The following PCDH15 variants were observed in gnomAD, a reference collection of about 807,000 sequenced individuals.
PCDH15 encodes the protein protocadherin-15.
A neutral mutation model predicts 178.5 loss-of-function variants in PCDH15; 129 were observed. The observed-to-expected ratio is 0.72, with a 90% CI of 0.63 to 0.84. The LOEUF (loss-of-function observed/expected upper bound fraction) is 0.84. Ranked by LOEUF, PCDH15 falls within the 40% of genes least tolerant of loss-of-function variation. The probability of loss-of-function intolerance (pLI) is 0.00; values close to 1 mark genes in which losing one functional copy is unlikely to be tolerated. For synonymous variants in PCDH15, 800 were observed against 732.0 expected (o/e 1.09, Z -1.50); for missense variants, 2,230 against 2,099.9 (o/e 1.06, Z -1.21).
chr10:54,162,667 C>T (rs997512479), intron 13 of PCDH15, among the ~76,000 whole-genome samples: 2 of 152,144 alleles, frequency 1.3e-5, no homozygotes, highest in Non-Finnish European at 2.9e-5. Context: ...ACAAGATATA[C>T]TTGAGAACTC....
intron 1 of PCDH15, among the ~76,000 whole-genome samples, chr10:55,291,524 T>C (rs1220819603): frequency 1.3e-5 from 2 of 152,230 alleles, no homozygotes; most frequent in Non-Finnish European, 2.9e-5. Flanking sequence ...GGAAAGAATG[T>C]TAATTTTGCC....
At chr10:54,627,278 G>A (rs1336266832) in intron 2 of PCDH15, among the ~76,000 whole-genome samples, 2 of 152,062 alleles carry the variant, frequency 1.3e-5, no homozygotes, top group East Asian at 3.9e-4. Flanking sequence ...ATGAGATTTG[G>A]GAAGTGGAAT....
At chr10:54,647,270 C>A (rs2094149526) in intron 2 of PCDH15, among the ~76,000 whole-genome samples, 2 of 152,060 alleles carry the variant, frequency 1.3e-5, no homozygotes, top group South Asian at 4.1e-4. Context: ...CTGCATGATA[C>A]CAATCCTACA....
At position 55,090,883 on chromosome 10, in the gene PCDH15, T is replaced by A. The variant is rs549978436; in HGVS notation, c.-80+75693A>T. Among the ~76,000 whole-genome samples, 16 of 149,252 alleles carry A rather than the reference T, an allele frequency of 1.1e-4. 1 individual carries two copies. The South Asian group carries it at 3.2e-3, about 30-fold the overall frequency. On this transcript the variant is annotated intron_variant, in intron 2 of 5. Transcript: ENST00000458638. The stretch of plus-strand genomic sequence containing the variant: ...AAGTTGCTAAGGCATTCTAAAGACA[T>A]CATTTTAACTAATTAAAATGTACTA...
intron 8 of PCDH15, among the ~76,000 whole-genome samples, chr10:54,269,729 A>G (rs1330987496): frequency 2.0e-5 from 3 of 151,968 alleles, no homozygotes; most frequent in Non-Finnish European, 4.4e-5. Context: ...GAAGCATTCT[A>G]CTGCAATTTT....
intron 15 of PCDH15, among the ~76,000 whole-genome samples, chr10:54,115,285 G>A (rs2095093928): frequency 6.6e-6 from 1 of 152,168 alleles, no homozygotes; most frequent in South Asian, 2.1e-4. Flanking sequence ...TTACTGGGTA[G>A]GGAAAATGCA....
intron 1 of PCDH15, among the ~76,000 whole-genome samples, chr10:55,255,167 T>C (rs1030587915): frequency 7.2e-5 from 11 of 152,200 alleles, no homozygotes; most frequent in Non-Finnish European, 1.2e-4. Flanking sequence ...GTATTCTCGT[T>C]GTTCAATTCC....
intron 1 of PCDH15, among the ~76,000 whole-genome samples, chr10:55,254,993 G>A (rs1281399972): frequency 6.6e-6 from 1 of 151,870 alleles, no homozygotes; most frequent in African/African-American, 2.4e-5. Context: ...GGGTACAGGT[G>A]CACAATGTGC....
At chr10:55,447,623 C>T (rs1565149663) in intron 2 of PCDH15, among the ~76,000 whole-genome samples, 2 of 151,976 alleles carry the variant, frequency 1.3e-5, no homozygotes, top group East Asian at 3.9e-4. Context: ...AAAATAGATT[C>T]CCTGCAAACT....
At chr10:53,810,743 T>C in intron 36 of PCDH15, 79 bp from the exon 37 acceptor site, 5 of 1,293,838 alleles carry the variant, frequency 3.9e-6, no homozygotes, top group Non-Finnish European at 5.6e-6. Context: ...TGTTTCCTTC[T>C]TTTTCTTCCG....
intron 18 of PCDH15, among the ~76,000 whole-genome samples, chr10:54,051,318 C>T (rs2093769131): frequency 1.3e-5 from 2 of 152,254 alleles, no homozygotes; most frequent in South Asian, 4.1e-4. Flanking sequence ...ACTTCCTAAA[C>T]ACTTGGAAGG....
chr10:53,902,600 T>C (rs2133655207), intron 26 of PCDH15, among the ~76,000 whole-genome samples: 1 of 152,210 alleles, frequency 6.6e-6, no homozygotes, highest in Admixed American at 6.5e-5. Flanking sequence ...AATACACAGT[T>C]GATTAGAAAT....
At chr10:55,471,254 C>A (rs1839950233) in intron 2 of PCDH15, among the ~76,000 whole-genome samples, 1 of 152,120 alleles carries the variant, frequency 6.6e-6, no homozygotes, top group Non-Finnish European at 1.5e-5. Flanking sequence ...TTTAATTTTA[C>A]TTTAATGAGT....
chr10:54,022,117 AC>A (rs772882377), intron 19 of PCDH15, among the ~76,000 whole-genome samples: 23 of 148,280 alleles, frequency 1.6e-4, no homozygotes, highest in Non-Finnish European at 2.2e-4. Context: ...AAAAATGGCT[AC>A]TTTTTTTTTT....
Position 54,912,694 on chromosome 10 carries a change from T to C in PCDH15, c.-79-15194A>G, listed in dbSNP as rs572947554. 5.9e-5 allele frequency among the ~76,000 whole-genome samples: 9 copies of C among 152,298 alleles called. No individual in the cohort carries two copies. The South Asian group carries it at 1.7e-3, about 28-fold the overall frequency. ...ATCACTATAAGGATACCTGAAAATA[T>C]GAAAGTGACTTTGGAATTGGGTAAT... On this transcript the variant is annotated intron_variant, in intron 2 of 5. Coordinates refer to the PCDH15 transcript ENST00000458638.
intron 1 of PCDH15, among the ~76,000 whole-genome samples, chr10:55,262,734 G>A (rs957420094): frequency 1.3e-5 from 2 of 152,080 alleles, no homozygotes; most frequent in African/African-American, 4.8e-5. Flanking sequence ...AAAACCTTGC[G>A]CTCATTCTCC....
rs528564099 is a variant in PCDH15, at chr10:54,027,151, C to T, written c.2221-3954G>A. The stretch of plus-strand genomic sequence containing the variant: ...AGCATTCTTATACACCAACAACAGA[C>T]AAACAGAGAGCCAAATCATGAGTGA... On this transcript the variant is annotated intron_variant, in intron 18 of 37. Coordinates refer to ENST00000644397, the MANE Select transcript of PCDH15 (RefSeq NM_001384140.1). Among the ~76,000 whole-genome samples, 74 of 146,658 alleles carry T rather than the reference C, an allele frequency of 5.0e-4. No homozygotes were observed. The East Asian group carries it at 0.015, about 29-fold the overall frequency.
chr10:54,278,956 AG>A (rs2058510967), intron 8 of PCDH15, among the ~76,000 whole-genome samples: 1 of 151,606 alleles, frequency 6.6e-6, no homozygotes, highest in Non-Finnish European at 1.5e-5. Flanking sequence ...TTTCTAAAAA[AG>A]TATACATGAT....
intron 2 of PCDH15, among the ~76,000 whole-genome samples, chr10:55,031,607 A>G (rs1393529955): frequency 5.9e-5 from 9 of 152,160 alleles, no homozygotes; most frequent in Admixed American, 5.2e-4. Flanking sequence ...TCCCTTCTAG[A>G]ATTCAGATGT....
Sources: gnomAD v4.1 joint callset for allele counts (sites outside exome capture counted in the v4.1 genomes callset) on GRCh38, gnomAD v4.1.1 for gene constraint, MANE v1.5 for transcripts, NCBI Gene and HGNC (gene_info 2026-07-23, HGNC 2026-07-21) for gene names.